Variants in MAPK10 observed in about 807,000 individuals in gnomAD.
MAPK10 encodes JNK3 alpha protein kinase.
In MAPK10, 25 loss-of-function variants were observed where a neutral mutation model predicts 59.3. The ratio of observed to expected loss-of-function variants is 0.42; its 90% CI spans 0.31 to 0.59. The LOEUF is 0.59. MAPK10 is among the 20% of genes least tolerant of loss of function. The pLI is 0.15. For synonymous variants in MAPK10, 190 were observed against 200.5 expected, an observed-to-expected ratio of 0.95 and a Z score of 0.44; for missense variants, 351 against 568.9, an observed-to-expected ratio of 0.62 and a Z score of 3.90.
At chr4:86,431,230 A>T (rs552431654) in intron 1 of MAPK10, among the ~76,000 whole-genome samples, 1 of 152,218 alleles carries the variant, frequency 6.6e-6, no homozygotes, top group Non-Finnish European at 1.5e-5. Flanking sequence ...ATATATAAAG[A>T]ACTTCTATAC....
rs112909678 is a variant in MAPK10 at position 86,566,293 on chromosome 4, G to T, written c.-263+27617C>A. ...AATACTACCCCTGATAATAATGTTG[G>T]TGTGATGATAGTGGATCTATGGAAA... is the stretch of plus-strand genomic sequence containing the variant. On this transcript the variant is annotated intron_variant, in intron 1 of 4. Coordinates refer to the MAPK10 transcript ENST00000502302. Among the ~76,000 whole-genome samples, 511 of 152,256 alleles carry T rather than the reference G, an allele frequency of 3.4e-3. 1 individual carries two copies. Among genetic ancestry groups the T allele is most frequent in the African/African-American group, 0.012 (494 of 41,526 alleles).
intron 9 of MAPK10, chr4:86,079,474 T>G (rs1561428160): frequency 6.6e-6 from 1 of 152,192 alleles, no homozygotes; most frequent in African/African-American, 2.4e-5. Context: ...TACTGGTAAT[T>G]TTATTTTTTG....
intron 1 of MAPK10, among the ~76,000 whole-genome samples, chr4:86,575,368 G>T (rs1010496398): frequency 1.3e-5 from 2 of 152,094 alleles, no homozygotes; most frequent in African/African-American, 4.8e-5. Flanking sequence ...TTATGGAATC[G>T]GATGGGAAAG....
At chr4:86,579,245 C>T (rs979579584) in intron 1 of MAPK10, among the ~76,000 whole-genome samples, 1 of 152,188 alleles carries the variant, frequency 6.6e-6, no homozygotes, top group Non-Finnish European at 1.5e-5. Flanking sequence ...AGAAACTTTC[C>T]TATCTCTGTT....
At chr4:86,049,071 T>A (rs2148955961) in intron 11 of MAPK10, among the ~76,000 whole-genome samples, 1 of 152,188 alleles carries the variant, frequency 6.6e-6, no homozygotes, top group Admixed American at 6.6e-5. Flanking sequence ...CATTTACATA[T>A]GAGATGTTTA....
At chr4:86,565,408 C>A (rs1653833568) in intron 1 of MAPK10, among the ~76,000 whole-genome samples, 1 of 152,084 alleles carries the variant, frequency 6.6e-6, no homozygotes, top group Non-Finnish European at 1.5e-5. Context: ...TCTTCTTACA[C>A]CGTTGTAGTC....
rs577785197 is a variant in MAPK10, at chr4:86,440,975, C to G, written c.-122+12055G>C. 5.9e-5 allele frequency among the ~76,000 whole-genome samples: 9 copies of G among 152,172 alleles called. No homozygotes were observed. The South Asian group carries it at 1.0e-3, about 18-fold the overall frequency. ...GAGGAGGAATACAAGCAAAGCATTA[C>G]AGAGAAATAAAAGCATCATAATTAA... On this transcript the variant is annotated intron_variant, in intron 1 of 13. Transcript: ENST00000361569.
At chr4:86,214,483 TTC>T (rs2148615959) in intron 2 of MAPK10, among the ~76,000 whole-genome samples, 1 of 148,908 alleles carries the variant, frequency 6.7e-6, no homozygotes, top group East Asian at 2.0e-4. Context: ...TAATCTGATT[TTC>T]TACATAGAAA....
intron 2 of MAPK10, among the ~76,000 whole-genome samples, chr4:86,338,516 G>A (rs1271115804): frequency 1.3e-5 from 2 of 152,136 alleles, no homozygotes; most frequent in African/African-American, 4.8e-5. Context: ...GCATGCTCTT[G>A]TGGGGATTCC....
chr4:86,281,457 C>T (rs938396411), intron 2 of MAPK10, among the ~76,000 whole-genome samples: 2 of 151,702 alleles, frequency 1.3e-5, no homozygotes, highest in East Asian at 1.9e-4. Context: ...GCCAAGATCA[C>T]GTTCACTGCA....
chr4:86,316,727 C>T (rs760207704), intron 2 of MAPK10, among the ~76,000 whole-genome samples: 4 of 152,032 alleles, frequency 2.6e-5, no homozygotes, highest in Non-Finnish European at 4.4e-5. Flanking sequence ...AGAGATTGTT[C>T]CAGGGGCTGC....
intron 2 of MAPK10, among the ~76,000 whole-genome samples, chr4:86,292,373 A>G (rs2095252340): frequency 6.6e-6 from 1 of 152,212 alleles, no homozygotes; most frequent in Non-Finnish European, 1.5e-5. Context: ...TGTAGGAAGA[A>G]AAAACATTTG....
chr4:86,162,373 G>A (rs1178694504), intron 3 of MAPK10, among the ~76,000 whole-genome samples: 1 of 151,864 alleles, frequency 6.6e-6, no homozygotes, highest in Non-Finnish European at 1.5e-5. Context: ...GAAAAATGAG[G>A]ATGATTATCT....
intron 1 of MAPK10, among the ~76,000 whole-genome samples, chr4:86,555,256 A>C (rs1292323180): frequency 6.6e-6 from 1 of 152,066 alleles, no homozygotes; most frequent in African/African-American, 2.4e-5. Context: ...GACCAGGCTG[A>C]CCAATATGGT....
At chr4:86,561,582 T>A (rs2149104520) in intron 1 of MAPK10, among the ~76,000 whole-genome samples, 1 of 152,310 alleles carries the variant, frequency 6.6e-6, no homozygotes, top group African/African-American at 2.4e-5. Flanking sequence ...ATCTGTTTCT[T>A]ATGAAAAATT....
chr4:86,200,437 C>T (rs1431058992), intron 2 of MAPK10, among the ~76,000 whole-genome samples: 1 of 151,952 alleles, frequency 6.6e-6, no homozygotes, highest in Non-Finnish European at 1.5e-5. Context: ...TTTTATTGGG[C>T]TCTTTTTGCT....
At chr4:86,343,299 A>G (rs2148943863) in intron 2 of MAPK10, among the ~76,000 whole-genome samples, 1 of 152,268 alleles carries the variant, frequency 6.6e-6, no homozygotes. Flanking sequence ...GACTACAGGG[A>G]CTTATGAAAG....
At chr4:86,250,775 A>G (rs1401179366) in intron 2 of MAPK10, among the ~76,000 whole-genome samples, 1 of 152,188 alleles carries the variant, frequency 6.6e-6, no homozygotes, top group Non-Finnish European at 1.5e-5. Context: ...ACTACTGTCA[A>G]GGAAACACGT....
At chr4:86,592,056 C>T (rs968628585) in intron 1 of MAPK10, among the ~76,000 whole-genome samples, 8 of 151,950 alleles carry the variant, frequency 5.3e-5, no homozygotes, top group Non-Finnish European at 1.0e-4. Context: ...ATAATGTTTT[C>T]CTCCTTTGAC....
Sources: allele counts gnomAD v4.1 joint callset (sites outside exome capture counted in the v4.1 genomes callset), GRCh38; gene constraint gnomAD v4.1.1; transcripts MANE v1.5; gene names NCBI Gene and HGNC (gene_info 2026-07-23, HGNC 2026-07-21).